Variants in LCN6 observed in about 807,000 individuals in gnomAD.
LCN6 encodes epididymal-specific lipocalin-6.
A neutral mutation model predicts 21.4 loss-of-function variants in LCN6; 20 were observed. The ratio of observed to expected loss-of-function variants is 0.93; its 90% CI spans 0.66 to 1.36. The LOEUF is 1.36. LCN6 is among the 40% of genes most tolerant of loss of function. The probability of loss-of-function intolerance (pLI) is 0.00; values close to 1 mark genes in which losing one functional copy is unlikely to be tolerated. For missense variants in LCN6, 217 were observed against 206.6 expected (o/e 1.05, Z -0.31); for synonymous variants, 96 against 89.0 (o/e 1.08, Z -0.44).
chr9:136,747,157 G>A (rs1296617460), intron 2 of LCN6, among the ~76,000 whole-genome samples: 3 of 152,156 alleles, frequency 2.0e-5, no homozygotes, highest in African/African-American at 7.2e-5. Context: ...CCCAGGACAG[G>A]GATGCATGAA....
intron 2 of LCN6, 108 bp downstream of exon 2, chr9:136,747,316 G>A (rs538575260): frequency 3.9e-5 from 51 of 1,295,646 alleles, no homozygotes; most frequent in African/African-American, 1.2e-4. Flanking sequence ...CAGAGGGGCC[G>A]TGGGAAGCCC....
rs766559453 is a variant in LCN6 at position 136,747,544 on chromosome 9, A to T, written c.110T>A (p.Val37Glu). ...DPEQLLGPWY[V>E]LAVASREKGF... ...CTTTTCCCGGGAGGCCACCGCAAGC[A>T]CGTACCAGGGCCCAAGAAGCTGCAT... Residue 37 changes from valine to glutamate, a missense_variant, in exon 2 of 7, where the codon GTG becomes GAG. Physicochemically the swap from Val to Glu is moderately radical, Grantham distance 121. Coordinates refer to ENST00000341206, the MANE Select transcript of LCN6 (RefSeq NM_198946.3). 2.5e-6 allele frequency: 4 copies of T among 1,611,908 alleles called. No individual in the cohort carries two copies. The African/African-American group carries it at 4.0e-5, about 16-fold the overall frequency.
intron 2 of LCN6, 140 bp downstream of exon 2, chr9:136,747,284 A>T: frequency 1.1e-6 from 1 of 935,306 alleles, no homozygotes; most frequent in Non-Finnish European, 1.6e-6. Context: ...CACAGAGCCC[A>T]GTGGGAAAAG....
Position 136,747,641 on chromosome 9 carries a change from C to T in LCN6, c.91-78G>A, listed in dbSNP as rs1847061167. 1.8e-5 allele frequency: 19 copies of T among 1,067,168 alleles called. No homozygotes were observed. In the Admixed American group the frequency reaches 1.9e-4, roughly 11 times the overall value. The allele number at this position is 1,067,168 out of a possible 1,614,324, so 66.1% of individuals were successfully genotyped here. On this transcript the variant is annotated intron_variant, in intron 1 of 6. Transcript: ENST00000341206. ...CAGCCTCCAACCCTCCAGCCTCAGCCTCCAGCCTCCAAACCTCCAGCCTCA... is the reference window on the plus strand; with the variant it reads ...CAGCCTCCAACCCTCCAGCCTCAGCTTCCAGCCTCCAAACCTCCAGCCTCA...
rs201144074 is a variant in LCN6 at position 136,745,278 on chromosome 9, T to C, written c.304A>G (p.Ile102Val). Residue 102 changes from isoleucine to valine, a missense_variant and splice_region_variant, in exon 4 of 7, where the codon ATA (isoleucine) becomes GTA (valine). Ile to Val is a conservative substitution (Grantham distance 29). Transcript: ENST00000341206. ...NSGWVFENPS[I>V]GVLELWVLAT... ...AGCACCCAGAGCTCCAGCACGCCTA[T>C]TGCTAGGAAACAAAACCCCCCGCCT... 6.2e-7 allele frequency: 1 copy of C among 1,610,582 alleles called. No individual in the cohort carries two copies. Among genetic ancestry groups the C allele is most frequent in the East Asian group, 2.2e-5 (1 of 44,856 alleles).
chr9:136,747,679 C>T, intron 1 of LCN6, 116 bp from the exon 2 acceptor site: 2 of 941,648 alleles, frequency 2.1e-6, no homozygotes, highest in Non-Finnish European at 3.0e-6. Flanking sequence ...CTCCACCCTC[C>T]AACCATCCAG....
rs2131080470 is a variant in LCN6, at chr9:136,748,484, C to T, written c.-1G>A. 6.2e-7 allele frequency: 1 copy of T among 1,612,754 alleles called. No homozygotes were observed. The highest frequency in any genetic ancestry group is 8.5e-7 in the Non-Finnish European group (1 of 1,179,752). On this transcript the variant is annotated 5_prime_UTR_variant, in exon 1 of 7. Coordinates refer to ENST00000341206, the MANE Select transcript of LCN6 (RefSeq NM_198946.3). ...AAGCAGCCAGCAGCAGGCCGCCCAT[C>T]CTCCCAGGTCTACACTGCGCCGCAG... is the stretch of plus-strand genomic sequence containing the variant.
rs556892600 is a variant in LCN6, at chr9:136,746,044, C to T, written c.231-130G>A. ...AGAGCTTCCATCTTCTGCCAGATGC[C>T]CCGATGCCCGGAAACCTGTTCTCGG... On this transcript the variant is annotated intron_variant, in intron 2 of 6. Coordinates refer to ENST00000341206, the MANE Select transcript of LCN6 (RefSeq NM_198946.3). The T allele has an allele frequency of 7.4e-4, 570 of 766,880 alleles. 1 individual carries two copies. The highest frequency in any genetic ancestry group is 1.2e-3 in the Non-Finnish European group (529 of 448,674). The allele number at this position is 766,880 out of a possible 1,614,324, so 47.5% of individuals were successfully genotyped here.
intron 2 of LCN6, 31 bp downstream of exon 2, chr9:136,747,393 C>T (rs765190703): frequency 4.1e-5 from 66 of 1,607,516 alleles, no homozygotes; most frequent in Non-Finnish European, 5.4e-5. Flanking sequence ...GTCCTGCCTG[C>T]GGGAAGGCCT....
At position 136,745,272 on chromosome 9, in the gene LCN6, C is replaced by A. The variant is rs142669236; in HGVS notation, c.310G>T (p.Val104Leu). Residue 104 changes from valine (V) to leucine (L), a missense_variant, in exon 4 of 7, where the codon GTG becomes TTG. By Grantham distance (32) the Val-to-Leu change is conservative. Coordinates refer to ENST00000341206, the MANE Select transcript of LCN6 (RefSeq NM_198946.3). ...GTGGCCAGCACCCAGAGCTCCAGCA[C>A]GCCTATTGCTAGGAAACAAAACCCC... Reference protein sequence around the residue: ...GWVFENPSIGVLELWVLATNF... With the variant: ...GWVFENPSIGLLELWVLATNF... The A allele has an allele frequency of 5.0e-6, 8 of 1,611,934 alleles. No homozygotes were observed.
rs1847014010 is a variant in LCN6, at chr9:136,744,891, A to G, written c.413-150T>C. The G allele has an allele frequency of 1.5e-6, 1 of 670,540 alleles. No homozygotes were observed. Among genetic ancestry groups the G allele is most frequent in the Non-Finnish European group, 2.6e-6 (1 of 382,486 alleles). The allele number at this position is 670,540 out of a possible 1,614,324, so 41.5% of individuals were successfully genotyped here. On this transcript the variant is annotated intron_variant, in intron 4 of 6. Coordinates refer to ENST00000341206, the MANE Select transcript of LCN6 (RefSeq NM_198946.3). The surrounding 1 kb of genome is among the most constrained non-coding windows in gnomAD (Gnocchi z 4.2). ...GCCACCTCCAGTGCAGCGAGCCTCA[A>G]GGTGGGGGAACTTGGCCTGCATGTG...
chr9:136,748,405 CCA>C lies in LCN6; in HGVS notation c.77_78del (p.Leu26ArgfsTer3). 6.2e-7 allele frequency: 1 copy of C among 1,612,380 alleles called. No homozygotes were observed. ...CAGGAGGACTGTACCTGCTCAGGGT[CCA>C]GTCTTCCCAACCACACGGCCTGGGC... The part of the protein sequence containing the change: ...PRAQAVWLGR[L>X]DPEQLLGPWY... On this transcript the variant is annotated frameshift_variant, in exon 1 of 7. Coordinates refer to ENST00000341206, the MANE Select transcript of LCN6 (RefSeq NM_198946.3). LOFTEE classifies it high-confidence loss of function.
chr9:136,745,787 G>T (rs1420470406), intron 3 of LCN6, 57 bp downstream of exon 3: 4 of 1,480,452 alleles, frequency 2.7e-6, no homozygotes, highest in African/African-American at 1.4e-5. Flanking sequence ...CCCGCAGGGG[G>T]CCTGGGGATG....
At chr9:136,747,612 CCTCCAGCCTCCAACCCTCCAGCCTCAG>C (rs1847059900) in intron 1 of LCN6, 49 bp from the exon 2 acceptor site, 1 of 1,567,050 alleles carries the variant, frequency 6.4e-7, no homozygotes, top group African/African-American at 1.5e-5. Flanking sequence ...CAGCCTCCAG[CCTCCAGCCTCCAACCCTCCAGCCTCAG>C]CCTCCAGCCT....
chr9:136,744,075 G>C lies in LCN6; in HGVS notation c.*116C>G, dbSNP rs1359543923. 1 of 152,388 alleles carries C rather than the reference G, an allele frequency of 6.6e-6. No homozygotes were observed. Among genetic ancestry groups the C allele is most frequent in the Non-Finnish European group, 1.5e-5 (1 of 68,202 alleles). 9.4% of individuals were successfully genotyped at this position (152,388 alleles called of 1,614,324 possible). ...CTGGGCCCCGGGAGCCGCTGAGCGAGGTGGGTGGACACTGGCCGAGGTCAC... is the reference window on the plus strand; with the variant it reads ...CTGGGCCCCGGGAGCCGCTGAGCGACGTGGGTGGACACTGGCCGAGGTCAC... On this transcript the variant is annotated 3_prime_UTR_variant, in exon 7 of 7. Coordinates refer to ENST00000341206, the MANE Select transcript of LCN6 (RefSeq NM_198946.3). The surrounding 1 kb of genome is among the most constrained non-coding windows in gnomAD (Gnocchi z 4.2).
Position 136,744,752 on chromosome 9 carries a change from C to T in LCN6, c.413-11G>A, listed in dbSNP as rs892928119. 4 of 1,596,634 alleles carry T rather than the reference C, an allele frequency of 2.5e-6. No homozygotes were observed. In the African/African-American group the frequency reaches 5.4e-5, roughly 21 times the overall value. ...CTGTCTCCGTCAGACCTGGGGGCAC[C>T]AGGGCAGTGCAGGGGGAAGCAACCT... is the stretch of plus-strand genomic sequence containing the variant. On this transcript the variant is annotated splice_polypyrimidine_tract_variant and intron_variant, in intron 4 of 6. Coordinates refer to ENST00000341206, the MANE Select transcript of LCN6 (RefSeq NM_198946.3). This position sits in a 1 kb window ranked among gnomAD's most constrained non-coding sequence, Gnocchi z 4.2.
In LCN6 at chr9:136,745,877, T is replaced by G; in HGVS notation, c.268A>C (p.Lys90Gln). 6.2e-7 allele frequency: 1 copy of G among 1,613,720 alleles called. No individual in the cohort carries two copies. Among genetic ancestry groups the G allele is most frequent in the Non-Finnish European group, 8.5e-7 (1 of 1,179,902 alleles). ...GCDQSVMDLIKRNSGWVFENP... is the reference protein window; with the variant it reads ...GCDQSVMDLIQRNSGWVFENP... ...TCAAACACCCATCCGGAGTTTCGCT[T>G]TATCAGGTCCATGACACTCTGGTCA... Residue 90 changes from lysine (K) to glutamine (Q), a missense_variant, in exon 3 of 7, where the codon AAG becomes CAG. Physicochemically the swap from Lys to Gln is moderately conservative, Grantham distance 53. Coordinates refer to ENST00000341206, the MANE Select transcript of LCN6 (RefSeq NM_198946.3).
intron 2 of LCN6, 160 bp from the exon 3 acceptor site, chr9:136,746,074 T>C (rs904090112): frequency 3.1e-6 from 2 of 641,094 alleles, no homozygotes; most frequent in African/African-American, 1.8e-5. Context: ...TCTCGGAGAG[T>C]GGACGGCGTG....
rs764595821 is a variant in LCN6, at chr9:136,748,378, C to A, written c.90+16G>T. 1 of 1,605,284 alleles carries A rather than the reference C, an allele frequency of 6.2e-7. No homozygotes were observed. On this transcript the variant is annotated intron_variant, in intron 1 of 6. Coordinates refer to ENST00000341206, the MANE Select transcript of LCN6 (RefSeq NM_198946.3). The stretch of plus-strand genomic sequence containing the variant: ...CCCCCGAGGACCAGCTCTCCCCACC[C>A]CCAGGAGGACTGTACCTGCTCAGGG...
Sources: gnomAD v4.1 joint callset for allele counts (sites outside exome capture counted in the v4.1 genomes callset) on GRCh38, gnomAD v4.1.1 for gene constraint, Gnocchi (gnomAD v3.1) non-coding constraint, MANE v1.5 for transcripts, NCBI Gene and HGNC (gene_info 2026-07-23, HGNC 2026-07-21) for gene names.